The following CCDC3 variants were observed in gnomAD, a reference collection of about 807,000 sequenced individuals.
The protein encoded by CCDC3 is coiled-coil domain containing 3, also known as coiled-coil domain-containing protein 3.
In CCDC3, 24 loss-of-function variants were observed where a neutral mutation model predicts 21.4. The ratio of observed to expected loss-of-function variants is 1.12; its 90% CI spans 0.81 to 1.58. The LOEUF is 1.58. CCDC3 is among the 40% of genes most tolerant of loss of function. The pLI is 0.00. For synonymous variants in CCDC3, 186 were observed against 166.0 expected, an observed-to-expected ratio of 1.12 and a Z score of -0.93; for missense variants, 425 against 360.9, an observed-to-expected ratio of 1.18 and a Z score of -1.44.
chr10:12,938,318 C>T (rs556377081), intron 2 of CCDC3, among the ~76,000 whole-genome samples: 2 of 149,470 alleles, frequency 1.3e-5, no homozygotes, highest in Non-Finnish European at 3.0e-5. Context: ...TACTTTTAGC[C>T]CCCAGTCCTC....
At chr10:13,052,163 C>A (rs1836616790) in intron 4 of CCDC3, among the ~76,000 whole-genome samples, 1 of 152,112 alleles carries the variant, frequency 6.6e-6, no homozygotes, top group Admixed American at 6.6e-5. Context: ...TTGCTTAAAG[C>A]CAGCAGTCTA....
chr10:13,089,783 C>T (rs1279049912), intron 3 of CCDC3, among the ~76,000 whole-genome samples: 2 of 151,802 alleles, frequency 1.3e-5, no homozygotes, highest in South Asian at 2.1e-4. Flanking sequence ...TCCCATCACC[C>T]GAGCAGTGGA....
At chr10:13,029,740 A>G (rs960917541) in intron 5 of CCDC3, among the ~76,000 whole-genome samples, 5 of 152,222 alleles carry the variant, frequency 3.3e-5, no homozygotes. Flanking sequence ...AAAGGGTATC[A>G]GTGATTGAAG....
At chr10:13,051,241 G>A (rs910935578) in intron 4 of CCDC3, among the ~76,000 whole-genome samples, 3 of 152,150 alleles carry the variant, frequency 2.0e-5, no homozygotes, top group Admixed American at 2.0e-4. Context: ...TAGTGGGGAG[G>A]AAGAGGGATT....
At chr10:12,941,565 T>C (rs918715260) in intron 2 of CCDC3, among the ~76,000 whole-genome samples, 1 of 152,298 alleles carries the variant, frequency 6.6e-6, no homozygotes, top group South Asian at 2.1e-4. Context: ...AATGTACTTA[T>C]CTGGGAGAGG....
intron 2 of CCDC3, among the ~76,000 whole-genome samples, chr10:12,909,469 C>G (rs1353135853): frequency 6.6e-6 from 1 of 152,182 alleles, no homozygotes; most frequent in African/African-American, 2.4e-5. Flanking sequence ...GTGTGCCAAC[C>G]CGGGCTGAGT....
In CCDC3 at chr10:12,898,280, T is replaced by C. The variant is rs1197304755; in HGVS notation, c.*136A>G. The stretch of plus-strand genomic sequence containing the variant: ...AGGGGAAAGCAAGCCTTGCATTTTA[T>C]CCATTTAGACTCTACCAAATGCGTG... On this transcript the variant is annotated 3_prime_UTR_variant, in exon 3 of 3. Coordinates refer to ENST00000378825, the MANE Select transcript of CCDC3 (RefSeq NM_031455.4). 2 of 980,126 alleles carry C rather than the reference T, an allele frequency of 2.0e-6. No individual in the cohort carries two copies. The highest frequency in any genetic ancestry group is 3.0e-6 in the Non-Finnish European group (2 of 675,920). The allele number at this position is 980,126 out of a possible 1,614,324, so 60.7% of individuals were successfully genotyped here.
Position 13,074,153 on chromosome 10 carries a change from A to ATATTTTTTTTTT in CCDC3, c.-502-54_-502-53insAAAAAAAAAATA, listed in dbSNP as rs1365749317. The ATATTTTTTTTTT allele has an allele frequency of 1.4e-4, 9 of 64,310 alleles. No homozygotes were observed. In the East Asian group the frequency reaches 3.4e-3, roughly 25 times the overall value. The allele number at this position is 64,310 out of a possible 1,614,324, so 4.0% of individuals were successfully genotyped here. ...AATATATATATATATATATATATATATTTTTTTTTTTTTTTTTTTTTGAGA... is the reference window on the plus strand; with the variant it reads ...AATATATATATATATATATATATATATATTTTTTTTTTTTTTTTTTTTTTTTTTTTTTTGAGA... On this transcript the variant is annotated intron_variant, in intron 3 of 6. Coordinates refer to the CCDC3 transcript ENST00000378839.
intron 2 of CCDC3, among the ~76,000 whole-genome samples, chr10:12,900,295 A>G (rs7900033): frequency 0.77 from 117,185 of 151,938 alleles, 45,451 homozygotes; most frequent in Middle Eastern, 0.84. Flanking sequence ...GTATTCTCCA[A>G]TCTTTCTCCT....
chr10:13,060,150 GAAACA>G (rs72059794), intron 4 of CCDC3, among the ~76,000 whole-genome samples: 35,648 of 151,708 alleles, frequency 0.23, 4,816 homozygotes, highest in African/African-American at 0.36. Flanking sequence ...TGTTTCATCA[GAAACA>G]AAACAAAACA....
intron 2 of CCDC3, among the ~76,000 whole-genome samples, chr10:12,913,186 G>T (rs1319530102): frequency 6.6e-6 from 1 of 152,176 alleles, no homozygotes; most frequent in Non-Finnish European, 1.5e-5. Context: ...TGGTAGTATA[G>T]ACACTTTAAC....
At chr10:13,076,156 TG>T (rs1836962276) in intron 3 of CCDC3, among the ~76,000 whole-genome samples, 1 of 152,220 alleles carries the variant, frequency 6.6e-6, no homozygotes, top group Non-Finnish European at 1.5e-5. Flanking sequence ...TAACTCAGTA[TG>T]GGCAGAAGAG....
chr10:12,962,292 T>C (rs572458786), intron 2 of CCDC3, among the ~76,000 whole-genome samples: 15 of 152,292 alleles, frequency 9.8e-5, no homozygotes, highest in African/African-American at 3.4e-4. Flanking sequence ...ACTTGATGCA[T>C]TAATGAAGTG....
intron 2 of CCDC3, among the ~76,000 whole-genome samples, chr10:12,975,213 A>G (rs572785793): frequency 6.6e-6 from 1 of 152,096 alleles, no homozygotes; most frequent in South Asian, 2.1e-4. Flanking sequence ...TTGCTCTAAC[A>G]AATGTCTTCT....
chr10:13,046,718 AAAAAG>A (rs563009512), intron 5 of CCDC3, among the ~76,000 whole-genome samples: 1,959 of 151,852 alleles, frequency 0.013, 29 homozygotes, highest in African/African-American at 0.044. Flanking sequence ...AAAAAAAAAA[AAAAAG>A]AAGAAGAAGA....
chr10:13,079,674 A>G (rs145580860), intron 3 of CCDC3, among the ~76,000 whole-genome samples: 112 of 152,356 alleles, frequency 7.4e-4, no homozygotes, highest in Middle Eastern at 3.4e-3. Context: ...TTAGGGGAAG[A>G]TTAAACATCA....
chr10:13,026,017 C>CA (rs1477804778), intron 5 of CCDC3, among the ~76,000 whole-genome samples: 2 of 151,896 alleles, frequency 1.3e-5, no homozygotes, highest in South Asian at 2.1e-4. Flanking sequence ...TCCATCTCTA[C>CA]AAAAAATATA....
intron 2 of CCDC3, among the ~76,000 whole-genome samples, chr10:12,905,885 C>T (rs559163749): frequency 9.2e-5 from 14 of 152,268 alleles, no homozygotes; most frequent in South Asian, 2.1e-4. Flanking sequence ...GTTTACATGG[C>T]GCTGTGTTTT....
At chr10:12,940,228 T>TG in intron 2 of CCDC3, among the ~76,000 whole-genome samples, 1 of 100,488 alleles carries the variant, frequency 1.0e-5, no homozygotes, top group Non-Finnish European at 2.1e-5. Flanking sequence ...TCATTGAAAT[T>TG]GTTTTTTTTT....
Sources: allele counts gnomAD v4.1 joint callset (sites outside exome capture counted in the v4.1 genomes callset), GRCh38; gene constraint gnomAD v4.1.1; transcripts MANE v1.5; gene names NCBI Gene and HGNC (gene_info 2026-07-23, HGNC 2026-07-21).